The following SLC9A9 variants were observed in gnomAD, a reference collection of about 807,000 sequenced individuals.
The protein encoded by SLC9A9 is sodium/hydrogen exchanger 9.
A neutral mutation model predicts 77.8 loss-of-function variants in SLC9A9; 62 were observed. The ratio of observed to expected loss-of-function variants is 0.80; its 90% CI spans 0.65 to 0.98. The LOEUF is 0.98. SLC9A9 is among the 50% of genes least tolerant of loss of function. The pLI is 0.00. For missense variants in SLC9A9, 775 were observed against 774.9 expected (o/e 1.00, Z 0.00); for synonymous variants, 320 against 283.5 (o/e 1.13, Z -1.29).
chr3:143,667,936 G>T (rs1470220162), intron 5 of SLC9A9, among the ~76,000 whole-genome samples: 1 of 152,170 alleles, frequency 6.6e-6, no homozygotes, highest in Non-Finnish European at 1.5e-5. Flanking sequence ...GATTCCTCAA[G>T]GATCTAGAAC....
At chr3:143,532,273 G>A (rs547995125) in intron 9 of SLC9A9, among the ~76,000 whole-genome samples, 3 of 152,098 alleles carry the variant, frequency 2.0e-5, no homozygotes, top group Admixed American at 6.5e-5. Context: ...ATATTCCCAC[G>A]ATGGCAGATT....
At chr3:143,603,500 G>A (rs2037878079) in intron 6 of SLC9A9, among the ~76,000 whole-genome samples, 1 of 152,110 alleles carries the variant, frequency 6.6e-6, no homozygotes, top group South Asian at 2.1e-4. Flanking sequence ...TTCTCTCTGG[G>A]GAAAGCAAAC....
chr3:143,699,802 G>A (rs1191922317), intron 4 of SLC9A9, among the ~76,000 whole-genome samples: 1 of 152,038 alleles, frequency 6.6e-6, no homozygotes, highest in Admixed American at 6.5e-5. Flanking sequence ...GCTGAACTGG[G>A]CTCAGAGCCA....
intron 2 of SLC9A9, among the ~76,000 whole-genome samples, chr3:143,821,452 G>A (rs759586920): frequency 7.2e-5 from 11 of 152,068 alleles, no homozygotes; most frequent in African/African-American, 1.9e-4. Flanking sequence ...TATGCACTTC[G>A]CCATGTGATC....
intron 2 of SLC9A9, among the ~76,000 whole-genome samples, chr3:143,798,559 G>T (rs1017128527): frequency 1.3e-5 from 2 of 152,040 alleles, no homozygotes; most frequent in African/African-American, 4.8e-5. Flanking sequence ...GTGTTCTCAA[G>T]AACTTAAAAC....
chr3:143,331,483 T>C (rs1229507049), intron 14 of SLC9A9, among the ~76,000 whole-genome samples: 1 of 152,138 alleles, frequency 6.6e-6, no homozygotes, highest in African/African-American at 2.4e-5. Context: ...GCCTAAAGAC[T>C]GAAAGGAAAA....
chr3:143,369,227 TATG>T (rs1260327145), intron 13 of SLC9A9, among the ~76,000 whole-genome samples: 1 of 152,068 alleles, frequency 6.6e-6, no homozygotes, highest in Non-Finnish European at 1.5e-5. Context: ...GAAAATATAA[TATG>T]ATAATTATGG....
intron 12 of SLC9A9, among the ~76,000 whole-genome samples, chr3:143,394,020 G>T (rs1211577365): frequency 6.6e-6 from 1 of 152,076 alleles, no homozygotes; most frequent in Non-Finnish European, 1.5e-5. Context: ...TCTACCAGAG[G>T]TACAAGGAGG....
intron 14 of SLC9A9, among the ~76,000 whole-genome samples, chr3:143,350,225 G>A (rs960743362): frequency 7.2e-5 from 11 of 152,030 alleles, no homozygotes; most frequent in African/African-American, 2.7e-4. Flanking sequence ...CCAATAATGC[G>A]GCATCAGATT....
chr3:143,796,877 G>C lies in SLC9A9; in HGVS notation c.405C>G (p.Phe135Leu). The stretch of plus-strand genomic sequence containing the variant: ...ATATAATTGGTGGCAGTAAAACATT[G>C]AAGAAGATTTCTGGATCAAATGTCA... Reference protein sequence around the residue: ...EKMTFDPEIFFNVLLPPIIFH... With the variant: ...EKMTFDPEIFLNVLLPPIIFH... Residue 135 changes from phenylalanine (F) to leucine (L), a missense_variant, in exon 3 of 16, where the codon TTC becomes TTG. Transcript: ENST00000316549. The C allele has an allele frequency of 6.2e-7, 1 of 1,611,940 alleles. No individual in the cohort carries two copies. Among genetic ancestry groups the C allele is most frequent in the Non-Finnish European group, 8.5e-7 (1 of 1,178,700 alleles).
intron 6 of SLC9A9, among the ~76,000 whole-genome samples, chr3:143,634,830 T>C (rs1396063850): frequency 6.6e-6 from 1 of 152,190 alleles, no homozygotes; most frequent in African/African-American, 2.4e-5. Flanking sequence ...ACTTTGCAGT[T>C]TTAATGAATA....
At chr3:143,696,942 G>A (rs1398297711) in intron 4 of SLC9A9, among the ~76,000 whole-genome samples, 1 of 151,854 alleles carries the variant, frequency 6.6e-6, no homozygotes, top group Non-Finnish European at 1.5e-5. Flanking sequence ...ATATTCTATA[G>A]CTTATTAAAT....
intron 6 of SLC9A9, among the ~76,000 whole-genome samples, chr3:143,601,789 C>T (rs999668184): frequency 6.6e-6 from 1 of 152,236 alleles, no homozygotes. Context: ...TGCATGATCA[C>T]TGCCCCTTCT....
At chr3:143,553,402 C>T (rs1048253293) in intron 8 of SLC9A9, among the ~76,000 whole-genome samples, 1 of 152,094 alleles carries the variant, frequency 6.6e-6, no homozygotes, top group African/African-American at 2.4e-5. Context: ...GGGAAAAATG[C>T]AAGATATAAG....
At chr3:143,619,379 GA>G (rs2038160020) in intron 6 of SLC9A9, among the ~76,000 whole-genome samples, 1 of 152,162 alleles carries the variant, frequency 6.6e-6, no homozygotes, top group African/African-American at 2.4e-5. Flanking sequence ...TAGAAAAAAG[GA>G]AGCTTACGCA....
intron 6 of SLC9A9, among the ~76,000 whole-genome samples, chr3:143,605,987 C>T (rs2037916038): frequency 6.6e-6 from 1 of 152,158 alleles, no homozygotes; most frequent in Non-Finnish European, 1.5e-5. Context: ...CTGCTCCATG[C>T]TATTTATAAA....
chr3:143,678,224 C>T (rs1465116221), intron 5 of SLC9A9, among the ~76,000 whole-genome samples: 6 of 152,210 alleles, frequency 3.9e-5, no homozygotes, highest in South Asian at 2.1e-4. Context: ...TTCTGTCCTT[C>T]GTATTTTAAT....
At chr3:143,710,934 C>T (rs148728835) in intron 4 of SLC9A9, among the ~76,000 whole-genome samples, 1 of 152,306 alleles carries the variant, frequency 6.6e-6, no homozygotes, top group East Asian at 1.9e-4. Context: ...TTTCCCCAAT[C>T]AGATCAATTT....
chr3:143,275,618 C>A (rs969322257), intron 14 of SLC9A9, among the ~76,000 whole-genome samples: 1 of 151,994 alleles, frequency 6.6e-6, no homozygotes, highest in Non-Finnish European at 1.5e-5. Flanking sequence ...TTTCCTATTC[C>A]TTCTAATTTA....
Sources: allele counts gnomAD v4.1 joint callset (sites outside exome capture counted in the v4.1 genomes callset), GRCh38; gene constraint gnomAD v4.1.1; transcripts MANE v1.5; gene names NCBI Gene and HGNC (gene_info 2026-07-23, HGNC 2026-07-21).